GUF1: variants seen among roughly 807,000 people sequenced by gnomAD.
GUF1 encodes GTP binding elongation factor GUF1, also known as translation factor GUF1, mitochondrial.
In GUF1, 78 loss-of-function variants were observed where a neutral mutation model predicts 82.4. The ratio of observed to expected loss-of-function variants is 0.95; its 90% confidence interval spans 0.79 to 1.14. The LOEUF (loss-of-function observed/expected upper bound fraction) is 1.14. Ranked by LOEUF, GUF1 falls within the 50% of genes most tolerant of loss-of-function variation. The pLI, the probability that GUF1 is intolerant of heterozygous loss-of-function variation, is 0.00. For missense variants in GUF1, 814 were observed against 798.2 expected, an observed-to-expected ratio of 1.02 and a Z score of -0.24; for synonymous variants, 279 against 282.3, an observed-to-expected ratio of 0.99 and a Z score of 0.12.
intron 12 of GUF1, 35 bp from the exon 13 acceptor site, chr4:44,691,631 T>C (rs1715449717): frequency 1.3e-6 from 2 of 1,543,086 alleles, no homozygotes; most frequent in Non-Finnish European, 1.8e-6. Context: ...TTGAGTAGGT[T>C]ATCATTAAAC....
rs1035850514 is a variant in GUF1, at chr4:44,686,514, A to C, written c.739A>C (p.Lys247Gln). ...CTTTTTACTTATATTTACTAGTCCT[A>C]AAGTGCATCGCAAAAATCCTCTGAG... ...QAIIERIPPP[K>Q]VHRKNPLRAL... The change falls in exon 8 of 17, where the codon AAA (lysine) becomes CAA (glutamine). Residue 247 changes from lysine to glutamine, a missense_variant. Coordinates refer to ENST00000281543, the MANE Select transcript of GUF1 (RefSeq NM_021927.3). 7 of 1,607,424 alleles carry C rather than the reference A, an allele frequency of 4.4e-6. No individual in the cohort carries two copies. Among genetic ancestry groups the C allele is most frequent in the Non-Finnish European group, 5.1e-6 (6 of 1,174,834 alleles).
intron 8 of GUF1, among the ~76,000 whole-genome samples, chr4:44,687,338 G>GTGTTATAT (rs1478289702): frequency 7.2e-5 from 11 of 151,852 alleles, no homozygotes; most frequent in Admixed American, 7.2e-4. Flanking sequence ...TGAGTGTTTA[G>GTGTTATAT]TGTTATATGT....
intron 3 of GUF1, 93 bp downstream of exon 3, chr4:44,680,935 A>C: frequency 8.3e-7 from 1 of 1,206,300 alleles, no homozygotes; most frequent in South Asian, 1.4e-5. Flanking sequence ...ACTGAGTATT[A>C]AACATCTGCC....
At chr4:44,689,477 A>G in intron 10 of GUF1, 68 bp downstream of exon 10, 1 of 1,445,614 alleles carries the variant, frequency 6.9e-7, no homozygotes, top group Non-Finnish European at 9.2e-7. Context: ...AAATATTTTT[A>G]TAGGAAAGGG....
intron 15 of GUF1, 42 bp downstream of exon 15, chr4:44,695,776 ATGATATACCT>A: frequency 6.3e-7 from 1 of 1,587,404 alleles, no homozygotes; most frequent in Non-Finnish European, 8.6e-7. Context: ...AGTTTCAGAA[ATGATATACCT>A]AAAAAGTGAA....
intron 6 of GUF1, among the ~76,000 whole-genome samples, chr4:44,684,159 A>G (rs1714922085): frequency 6.6e-6 from 1 of 152,128 alleles, no homozygotes; most frequent in African/African-American, 2.4e-5. Flanking sequence ...ATTGACTAGG[A>G]TAGAGATTGT....
At chr4:44,694,377 T>A (rs1398672135) in intron 13 of GUF1, 35 bp from the exon 14 acceptor site, 3 of 1,207,084 alleles carry the variant, frequency 2.5e-6, no homozygotes, top group South Asian at 1.2e-5. Context: ...TCTCAGGAAG[T>A]GTAATATTTA....
intron 15 of GUF1, among the ~76,000 whole-genome samples, chr4:44,697,122 A>ATGAC (rs898227420): frequency 2.6e-5 from 4 of 152,350 alleles, no homozygotes; most frequent in Admixed American, 1.3e-4. Context: ...AATCAAGGTC[A>ATGAC]CATCATGCTT....
rs1715454656 is a variant in GUF1 at position 44,691,686 on chromosome 4, G to T, written c.1500G>T (p.Lys500Asn). 1.9e-6 allele frequency: 3 copies of T among 1,591,608 alleles called. No individual in the cohort carries two copies. The highest frequency in any genetic ancestry group is 2.6e-6 in the Non-Finnish European group (3 of 1,167,236). ...TTTAGGCTCGAAGAGCAGTTCAGAA[G>T]AATATGATATTTATTGATCAAAATA... ...MLCEARRAVQ[K>N]NMIFIDQNRV... Residue 500 changes from lysine (K) to asparagine (N), a missense_variant, in exon 13 of 17, where the codon AAG (lysine) becomes AAT (asparagine). Coordinates refer to ENST00000281543, the MANE Select transcript of GUF1 (RefSeq NM_021927.3).
At chr4:44,681,970 A>G (rs1018198775) in intron 4 of GUF1, among the ~76,000 whole-genome samples, 1 of 152,084 alleles carries the variant, frequency 6.6e-6, no homozygotes, top group Non-Finnish European at 1.5e-5. Flanking sequence ...CCCTCCAATA[A>G]ATGCTTTCTG....
chr4:44,680,116 C>T (rs928925038), intron 1 of GUF1, among the ~76,000 whole-genome samples: 4 of 146,954 alleles, frequency 2.7e-5, no homozygotes, highest in Non-Finnish European at 4.4e-5. Context: ...TTTTACTAGA[C>T]AAGGTATTCT....
intron 8 of GUF1, among the ~76,000 whole-genome samples, chr4:44,687,160 T>C (rs532163558): frequency 6.6e-6 from 1 of 152,102 alleles, no homozygotes; most frequent in South Asian, 2.1e-4. Context: ...GCAAGGGTAG[T>C]GTGCATTAGA....
chr4:44,691,919 C>G, intron 13 of GUF1, 120 bp downstream of exon 13: 2 of 712,002 alleles, frequency 2.8e-6, no homozygotes, highest in African/African-American at 1.8e-5. Flanking sequence ...AGTTGAGAAT[C>G]ATACTCTAAG....
chr4:44,691,862 G>A, intron 13 of GUF1, 63 bp downstream of exon 13: 1 of 1,099,774 alleles, frequency 9.1e-7, no homozygotes, highest in South Asian at 1.5e-5. Flanking sequence ...ATGAGCAAGG[G>A]TATACTAATT....
chr4:44,692,365 A>C (rs1363393877), intron 13 of GUF1, among the ~76,000 whole-genome samples: 1 of 151,946 alleles, frequency 6.6e-6, no homozygotes, highest in African/African-American at 2.4e-5. Flanking sequence ...CTATTAAATA[A>C]CAAATAAGAA....
At chr4:44,686,800 T>C in intron 8 of GUF1, 87 bp downstream of exon 8, 1 of 875,676 alleles carries the variant, frequency 1.1e-6, no homozygotes, top group Non-Finnish European at 1.9e-6. Context: ...CTTAGAATGA[T>C]CCTCATTTGG....
Position 44,687,880 on chromosome 4 carries a change from C to T in GUF1, c.939-127C>T, listed in dbSNP as rs1360525138. ...AGAGTTTGATAATTGATATGTAGCA[C>T]TTATTTTCAAAGTGTATGGAAAGTT... On this transcript the variant is annotated intron_variant, in intron 8 of 16. Coordinates refer to ENST00000281543, the MANE Select transcript of GUF1 (RefSeq NM_021927.3). 1.5e-5 allele frequency: 11 copies of T among 757,366 alleles called. No individual in the cohort carries two copies. In the South Asian group the frequency reaches 2.0e-4, roughly 14 times the overall value. The allele number at this position is 757,366 out of a possible 1,614,324, so 46.9% of individuals were successfully genotyped here. A position where few individuals can be genotyped will look rare whatever the true frequency, so the allele number is the denominator to read the frequency against.
chr4:44,683,314 T>G lies in GUF1; in HGVS notation c.665T>G (p.Ile222Ser). The change falls in exon 6 of 17, where the codon ATT (isoleucine) becomes AGT (serine). Residue 222 changes from isoleucine to serine, a missense_variant. Coordinates refer to ENST00000281543, the MANE Select transcript of GUF1 (RefSeq NM_021927.3). ...KVFDIPSDECIKISAKLGTNV... is the reference protein window; with the variant it reads ...KVFDIPSDECSKISAKLGTNV... ...TTTGATATTCCAAGTGATGAATGTA[T>G]TAAGGTAAAATACGTTCCTAAAAAG... 6.5e-7 allele frequency: 1 copy of G among 1,548,268 alleles called. No homozygotes were observed. The highest frequency in any genetic ancestry group is 8.8e-7 in the Non-Finnish European group (1 of 1,140,322).
Position 44,697,415 on chromosome 4 carries a change from G to T in GUF1, c.1843G>T (p.Ala615Ser). The change falls in exon 16 of 17, where the codon GCC becomes TCC. Residue 615 changes from alanine to serine, a missense_variant. By Grantham distance (99) the Ala-to-Ser change is moderately conservative (BLOSUM62 1). Transcript: ENST00000281543. ...AATTTTTCTCTTTTACAGTGTGAAA[G>T]CCTATAGGAAAAACGTTTTGGCAAA... ...SKIIARETVK[A>S]YRKNVLAKCY... The T allele has an allele frequency of 6.4e-7, 1 of 1,562,964 alleles. No homozygotes were observed. The highest frequency in any genetic ancestry group is 1.2e-5 in the South Asian group (1 of 86,784).
Sources: gnomAD v4.1 joint callset for allele counts (sites outside exome capture counted in the v4.1 genomes callset) on GRCh38, gnomAD v4.1.1 for gene constraint, MANE v1.5 for transcripts, NCBI Gene and HGNC (gene_info 2026-07-23, HGNC 2026-07-21) for gene names.